The following ASAP2 variants were observed in gnomAD, a reference collection of about 807,000 sequenced individuals.
The protein encoded by ASAP2 is arf-GAP with SH3 domain, ANK repeat and PH domain-containing protein 2.
ASAP2 carries 45 observed loss-of-function variants against 131.4 expected under a neutral mutation model. The observed-to-expected ratio is 0.34, with a 90% confidence interval of 0.27 to 0.44. ASAP2 has a LOEUF of 0.44. Ranked by LOEUF, ASAP2 falls within the 20% of genes least tolerant of loss-of-function variation. The probability of loss-of-function intolerance (pLI) is 1.00; values close to 1 mark genes in which losing one functional copy is unlikely to be tolerated. For synonymous variants in ASAP2, 510 were observed against 503.0 expected (o/e 1.01, Z -0.19); for missense variants, 1,011 against 1,297.0 (o/e 0.78, Z 3.39).
At chr2:9,296,778 G>A (rs532835436) in intron 2 of ASAP2, among the ~76,000 whole-genome samples, 1 of 152,346 alleles carries the variant, frequency 6.6e-6, no homozygotes, top group African/African-American at 2.4e-5. Flanking sequence ...GGATGCAGAG[G>A]AGTTTGGGAG....
chr2:9,319,223 C>A (rs980727044), intron 4 of ASAP2, among the ~76,000 whole-genome samples: 1 of 152,336 alleles, frequency 6.6e-6, no homozygotes, highest in Admixed American at 6.5e-5. Context: ...CCCTGCGCAT[C>A]GCCAGCCCTG....
At chr2:9,276,472 A>G (rs1666766852) in intron 1 of ASAP2, among the ~76,000 whole-genome samples, 1 of 152,168 alleles carries the variant, frequency 6.6e-6, no homozygotes, top group Non-Finnish European at 1.5e-5. Context: ...TTCTGAGAAC[A>G]CCAGGAAGCC....
At chr2:9,308,122 A>G (rs959835892) in intron 3 of ASAP2, among the ~76,000 whole-genome samples, 8 of 152,242 alleles carry the variant, frequency 5.3e-5, no homozygotes, top group African/African-American at 1.9e-4. Context: ...TAACATATAT[A>G]TAACACATAT....
At chr2:9,316,366 T>TAA (rs1192768639) in intron 3 of ASAP2, among the ~76,000 whole-genome samples, 1 of 152,202 alleles carries the variant, frequency 6.6e-6, no homozygotes, top group Non-Finnish European at 1.5e-5. Context: ...CATATTGCTT[T>TAA]AAAAGTGGTG....
intron 17 of ASAP2, 92 bp downstream of exon 17, chr2:9,375,036 C>G: frequency 1.7e-6 from 2 of 1,151,220 alleles, no homozygotes; most frequent in Non-Finnish European, 2.3e-6. Flanking sequence ...TTCAGGAGGC[C>G]AAGGCGGAGG....
intron 23 of ASAP2, among the ~76,000 whole-genome samples, chr2:9,391,413 G>C (rs1350660793): frequency 6.6e-6 from 1 of 152,072 alleles, no homozygotes; most frequent in Non-Finnish European, 1.5e-5. Flanking sequence ...CCACCAAGTA[G>C]CTTCCTCACT....
chr2:9,344,943 C>T (rs1284866818), intron 11 of ASAP2, 143 bp downstream of exon 11: 17 of 580,862 alleles, frequency 2.9e-5, no homozygotes, highest in South Asian at 2.1e-4. Flanking sequence ...CTGTCAGAAA[C>T]GCTTGCTGGC....
chr2:9,385,171 T>C, intron 20 of ASAP2, 74 bp from the exon 21 acceptor site: 1 of 1,200,956 alleles, frequency 8.3e-7, no homozygotes, highest in Non-Finnish European at 1.2e-6. Context: ...GCCTCCTGCC[T>C]GCACACTTCA....
rs753272511 is a variant in ASAP2 at position 9,217,433 on chromosome 2, C to A, written c.126+10203C>A. On this transcript the variant is annotated intron_variant, in intron 1 of 27. Coordinates refer to ENST00000281419, the MANE Select transcript of ASAP2 (RefSeq NM_003887.3). This position sits in a 1 kb window ranked among gnomAD's most constrained non-coding sequence, Gnocchi z 4.0. ...CTGCTAACAGTGTTAATAACGATGT[C>A]ATTTTTCCACTCCATGCTGAAGATG... Among the ~76,000 whole-genome samples the A allele has an allele frequency of 1.3e-5, 2 of 152,160 alleles. No individual in the cohort carries two copies. Among genetic ancestry groups the A allele is most frequent in the African/African-American group, 4.8e-5 (2 of 41,440 alleles).
intron 25 of ASAP2, 55 bp from the exon 26 acceptor site, chr2:9,400,687 A>T: frequency 6.7e-7 from 1 of 1,482,174 alleles, no homozygotes; most frequent in Non-Finnish European, 9.4e-7. Flanking sequence ...CATTGTTTAC[A>T]TCTCATGGCT....
chr2:9,245,407 G>A (rs1428489120), intron 1 of ASAP2, among the ~76,000 whole-genome samples: 3 of 152,150 alleles, frequency 2.0e-5, no homozygotes, highest in Admixed American at 1.3e-4. Context: ...CTTACTTGGG[G>A]GCATTCACTG....
Position 9,327,926 on chromosome 2 carries a change from G to A in ASAP2, c.686+15G>A, listed in dbSNP as rs371572430. On this transcript the variant is annotated intron_variant, in intron 7 of 27. Coordinates refer to ENST00000281419, the MANE Select transcript of ASAP2 (RefSeq NM_003887.3). The stretch of plus-strand genomic sequence containing the variant: ...GCCCAATGCAAGTAAGTTCTTCTCT[G>A]TTATGTTATCTTAAATGTTTGTTCA... 16 of 1,548,178 alleles carry A rather than the reference G, an allele frequency of 1.0e-5. No homozygotes were observed. Among genetic ancestry groups the A allele is most frequent in the Non-Finnish European group, 1.1e-5 (13 of 1,152,088 alleles).
intron 25 of ASAP2, among the ~76,000 whole-genome samples, chr2:9,400,286 T>TGCCCCCTTCCCC (rs1491417843): frequency 3.3e-4 from 8 of 24,480 alleles, no homozygotes; most frequent in African/African-American, 7.1e-4. Context: ...CCTTCCCTCC[T>TGCCCCCTTCCCC]TCCTTCCTTC....
At chr2:9,309,870 T>C (rs1184901124) in intron 3 of ASAP2, among the ~76,000 whole-genome samples, 5 of 152,234 alleles carry the variant, frequency 3.3e-5, no homozygotes, top group Non-Finnish European at 7.3e-5. Flanking sequence ...GAGGGGCATG[T>C]AGCTATTATC....
intron 2 of ASAP2, among the ~76,000 whole-genome samples, chr2:9,283,312 A>G (rs1260936314): frequency 6.6e-6 from 1 of 152,200 alleles, no homozygotes; most frequent in Non-Finnish European, 1.5e-5. Context: ...TTCTGACCTC[A>G]AGTGATCCAC....
chr2:9,272,261 G>A (rs1463249984), intron 1 of ASAP2, among the ~76,000 whole-genome samples: 1 of 152,194 alleles, frequency 6.6e-6, no homozygotes, highest in Non-Finnish European at 1.5e-5. Flanking sequence ...TTTAACTGGG[G>A]TGAGATTATA....
chr2:9,366,850 T>TCCACTAGC (rs1053821009), intron 15 of ASAP2, among the ~76,000 whole-genome samples: 1 of 152,120 alleles, frequency 6.6e-6, no homozygotes, highest in Non-Finnish European at 1.5e-5. Context: ...GTCTGCATCC[T>TCCACTAGC]CCACTAGCCC....
intron 15 of ASAP2, 110 bp from the exon 16 acceptor site, chr2:9,368,315 G>A: frequency 1.0e-6 from 1 of 972,380 alleles, no homozygotes; most frequent in Non-Finnish European, 1.6e-6. Context: ...CCACTTTATT[G>A]CTCTATTTCT....
At chr2:9,224,280 TC>T (rs1203163131) in intron 1 of ASAP2, among the ~76,000 whole-genome samples, 2 of 152,110 alleles carry the variant, frequency 1.3e-5, no homozygotes, top group Non-Finnish European at 1.5e-5. Flanking sequence ...AGCTTCCAAA[TC>T]CAGAGATCCC....
Sources: gnomAD v4.1 joint callset for allele counts (sites outside exome capture counted in the v4.1 genomes callset) on GRCh38, gnomAD v4.1.1 for gene constraint, Gnocchi (gnomAD v3.1) non-coding constraint, MANE v1.5 for transcripts, NCBI Gene and HGNC (gene_info 2026-07-23, HGNC 2026-07-21) for gene names.